HPSE2: variants seen among roughly 807,000 people sequenced by gnomAD.
The protein encoded by HPSE2 is inactive heparanase-2.
In HPSE2, 38 loss-of-function variants were observed where a neutral mutation model predicts 60.5. The observed-to-expected ratio is 0.63, with a 90% CI of 0.48 to 0.82. The LOEUF is 0.82. Ranked by LOEUF, HPSE2 falls within the 40% of genes least tolerant of loss-of-function variation. The pLI is 0.00. For missense variants in HPSE2, 713 were observed against 740.4 expected (o/e 0.96, Z 0.43); for synonymous variants, 295 against 293.2 (o/e 1.01, Z -0.06).
chr10:98,727,259 A>G (rs147180100), intron 4 of HPSE2, among the ~76,000 whole-genome samples: 71 of 152,302 alleles, frequency 4.7e-4, no homozygotes, highest in African/African-American at 1.7e-3. Flanking sequence ...AAAAAATAGA[A>G]AAGTTTGACT....
At position 98,863,484 on chromosome 10, in the gene HPSE2, T is replaced by G. The variant is rs79113747; in HGVS notation, c.611-119428A>C. ...GTCCTGTGAACTACCCACATGTACA[T>G]GCACTGTGATTTCTTGGCTCCTCCT... On this transcript the variant is annotated intron_variant, in intron 3 of 11. Coordinates refer to ENST00000370552, the MANE Select transcript of HPSE2 (RefSeq NM_021828.5). 7.2e-5 allele frequency among the ~76,000 whole-genome samples: 11 copies of G among 152,318 alleles called. No individual in the cohort carries two copies. The East Asian group carries it at 2.1e-3, about 29-fold the overall frequency.
intron 3 of HPSE2, among the ~76,000 whole-genome samples, chr10:98,834,727 C>A (rs1951755642): frequency 6.6e-6 from 1 of 152,112 alleles, no homozygotes; most frequent in Admixed American, 6.6e-5. Context: ...TGTATGAGGG[C>A]AGGTTTTCTT....
chr10:99,088,905 G>A (rs1354721031), intron 3 of HPSE2, among the ~76,000 whole-genome samples: 1 of 151,920 alleles, frequency 6.6e-6, no homozygotes, highest in Non-Finnish European at 1.5e-5. Flanking sequence ...GAGTAAGATG[G>A]TATCACATGC....
chr10:98,966,084 T>C (rs369560186), intron 3 of HPSE2, among the ~76,000 whole-genome samples: 16 of 152,208 alleles, frequency 1.1e-4, no homozygotes, highest in African/African-American at 3.6e-4. Flanking sequence ...AGAGACAGGG[T>C]TTCACCAAGT....
chr10:98,593,930 C>T (rs1437834332), intron 9 of HPSE2, among the ~76,000 whole-genome samples: 1 of 152,118 alleles, frequency 6.6e-6, no homozygotes, highest in Non-Finnish European at 1.5e-5. Flanking sequence ...AATACCCATG[C>T]TTTTCAGGTC....
the HPSE2 span, among the ~76,000 whole-genome samples, chr10:99,288,714 G>A: frequency 1.4e-5 from 1 of 69,710 alleles, no homozygotes; most frequent in African/African-American, 5.4e-5. Context: ...ATTGGAAAAA[G>A]ACATGAAAGA....
At chr10:99,207,559 A>T (rs915898629) in intron 2 of HPSE2, among the ~76,000 whole-genome samples, 1 of 152,174 alleles carries the variant, frequency 6.6e-6, no homozygotes, top group Non-Finnish European at 1.5e-5. Context: ...AAATTACTAA[A>T]AGTACTAAAA....
intron 3 of HPSE2, among the ~76,000 whole-genome samples, chr10:99,100,855 A>C (rs1472453725): frequency 2.0e-5 from 3 of 152,258 alleles, no homozygotes. Context: ...CTTAAAGAAA[A>C]GAATTTTCAA....
At chr10:99,134,518 ATC>A (rs1410228779) in intron 3 of HPSE2, among the ~76,000 whole-genome samples, 3 of 152,204 alleles carry the variant, frequency 2.0e-5, no homozygotes, top group Non-Finnish European at 2.9e-5. Flanking sequence ...CTAACAGTGG[ATC>A]TCTCTGCAGA....
intron 3 of HPSE2, among the ~76,000 whole-genome samples, chr10:99,071,518 C>CAGAT (rs1423388188): frequency 1.3e-5 from 2 of 152,186 alleles, no homozygotes; most frequent in Non-Finnish European, 2.9e-5. Flanking sequence ...GCCATCCTAA[C>CAGAT]AGATATGAAG....
intron 3 of HPSE2, among the ~76,000 whole-genome samples, chr10:98,982,487 A>G (rs1350037278): frequency 6.6e-6 from 1 of 152,222 alleles, no homozygotes; most frequent in African/African-American, 2.4e-5. Flanking sequence ...TGAACATTTG[A>G]TATCTAAAAG....
intron 3 of HPSE2, among the ~76,000 whole-genome samples, chr10:99,118,520 C>T (rs1844802575): frequency 1.1e-5 from 1 of 92,232 alleles, no homozygotes; most frequent in Non-Finnish European, 2.7e-5. Context: ...AAGACTCCTT[C>T]TCCAAAAAAA....
intron 3 of HPSE2, among the ~76,000 whole-genome samples, chr10:99,085,610 A>G (rs904767857): frequency 6.6e-6 from 1 of 152,132 alleles, no homozygotes; most frequent in Non-Finnish European, 1.5e-5. Context: ...AATCATATTT[A>G]TTAAAAGTAT....
Position 99,054,275 on chromosome 10 carries a change from A to G in HPSE2, c.610+89963T>C, listed in dbSNP as rs374812543. Among the ~76,000 whole-genome samples the G allele has an allele frequency of 4.6e-5, 7 of 152,228 alleles. No individual in the cohort carries two copies. The East Asian group carries it at 5.8e-4, about 13-fold the overall frequency. On this transcript the variant is annotated intron_variant, in intron 3 of 11. Transcript: ENST00000370552. ...GATATTACAGAGTTGAGAAGGGAAC[A>G]GAGATATTAGAAGAAAAGCAATGTT...
At chr10:98,834,139 T>C (rs1044675818) in intron 3 of HPSE2, among the ~76,000 whole-genome samples, 1 of 152,056 alleles carries the variant, frequency 6.6e-6, no homozygotes, top group Admixed American at 6.5e-5. Context: ...TGCCAAATTG[T>C]GAAGAAATGA....
Position 98,849,851 on chromosome 10 carries a change from T to C in HPSE2, c.611-105795A>G, listed in dbSNP as rs544328931. The stretch of plus-strand genomic sequence containing the variant: ...CCTCCGCCTCCCAGGTTCAAGCGAT[T>C]CTCCTGCCTCAGCCTCCCGAGTAGC... On this transcript the variant is annotated intron_variant, in intron 3 of 11. Transcript: ENST00000370552. 2.0e-5 allele frequency among the ~76,000 whole-genome samples: 3 copies of C among 152,202 alleles called. No individual in the cohort carries two copies. The East Asian group carries it at 5.8e-4, about 30-fold the overall frequency.
the HPSE2 span, among the ~76,000 whole-genome samples, chr10:99,280,176 G>A: frequency 4.3e-4 from 65 of 152,298 alleles, no homozygotes; most frequent in Non-Finnish European, 8.4e-4. Context: ...GAATATCACA[G>A]ATTTGTCACA....
intron 3 of HPSE2, among the ~76,000 whole-genome samples, chr10:98,829,256 G>T (rs139039809): frequency 1.3e-5 from 2 of 152,122 alleles, no homozygotes; most frequent in Non-Finnish European, 1.5e-5. Flanking sequence ...TGGGCTGGGC[G>T]CAGTGGCTCA....
intron 3 of HPSE2, among the ~76,000 whole-genome samples, chr10:98,950,531 A>C (rs1176148265): frequency 6.6e-6 from 1 of 152,184 alleles, no homozygotes; most frequent in Non-Finnish European, 1.5e-5. Context: ...GAAAAAATCA[A>C]TTATAGTTTT....
Sources: allele counts gnomAD v4.1 joint callset (sites outside exome capture counted in the v4.1 genomes callset), GRCh38; gene constraint gnomAD v4.1.1; transcripts MANE v1.5; gene names NCBI Gene and HGNC (gene_info 2026-07-23, HGNC 2026-07-21).